The following WDFY1 variants were observed in gnomAD, a reference collection of about 807,000 sequenced individuals.
WDFY1 encodes WD repeat and FYVE domain containing 1.
A neutral mutation model predicts 56.4 loss-of-function variants in WDFY1; 32 were observed. The ratio of observed to expected loss-of-function variants is 0.57; its 90% CI spans 0.43 to 0.76. The LOEUF (loss-of-function observed/expected upper bound fraction) is 0.76, where lower values mean the gene tolerates loss of function less well. Ranked by LOEUF, WDFY1 falls within the 30% of genes least tolerant of loss-of-function variation. The pLI is 0.00. For synonymous variants in WDFY1, 192 were observed against 197.3 expected, an observed-to-expected ratio of 0.97 and a Z score of 0.23; for missense variants, 480 against 545.7, an observed-to-expected ratio of 0.88 and a Z score of 1.20.
At chr2:223,883,494 T>C (rs1194472614) in intron 9 of WDFY1, among the ~76,000 whole-genome samples, 1 of 152,198 alleles carries the variant, frequency 6.6e-6, no homozygotes, top group Non-Finnish European at 1.5e-5. Context: ...CAGCCATGCA[T>C]TGTGAGAACT....
chr2:223,904,135 C>T (rs989225379), intron 4 of WDFY1, among the ~76,000 whole-genome samples: 2 of 152,184 alleles, frequency 1.3e-5, no homozygotes, highest in Admixed American at 6.5e-5. Flanking sequence ...AATGCTAGTA[C>T]ATTACTCAGT....
intron 1 of WDFY1, among the ~76,000 whole-genome samples, chr2:223,938,191 C>A (rs1176166857): frequency 2.0e-5 from 3 of 152,170 alleles, no homozygotes; most frequent in Admixed American, 1.3e-4. Flanking sequence ...CCTGCAGAAA[C>A]CAATCTTGGC....
At chr2:223,880,324 T>A in intron 10 of WDFY1, 92 bp from the exon 11 acceptor site, 1 of 1,142,106 alleles carries the variant, frequency 8.8e-7, no homozygotes, top group Non-Finnish European at 1.3e-6. Context: ...TAAGCAAATA[T>A]GGCCAGGTGC....
chr2:223,896,622 C>T (rs1013696042), intron 6 of WDFY1, among the ~76,000 whole-genome samples: 1 of 152,116 alleles, frequency 6.6e-6, no homozygotes. Context: ...CTAGAAGAAA[C>T]ATTAATCAAC....
chr2:223,942,459 C>A (rs995114474), intron 1 of WDFY1, among the ~76,000 whole-genome samples: 123 of 151,272 alleles, frequency 8.1e-4, no homozygotes, highest in African/African-American at 2.8e-3. Flanking sequence ...ACCTTGTTAT[C>A]CACCCGCCTC....
At chr2:223,938,017 T>C (rs1420135371) in intron 1 of WDFY1, among the ~76,000 whole-genome samples, 2 of 152,170 alleles carry the variant, frequency 1.3e-5, no homozygotes, top group Admixed American at 6.5e-5. Context: ...TGGAAGCAAA[T>C]ATATTACATA....
rs604990 is a variant in WDFY1, at chr2:223,901,177, G to A, written c.485+6C>T. 0.95 allele frequency: 1,533,093 copies of A among 1,612,118 alleles called. 730,063 individuals carry two copies. Among genetic ancestry groups the A allele is most frequent in the South Asian group, 0.97 (88,378 of 90,848 alleles). On this transcript the variant is annotated splice_donor_region_variant and intron_variant, in intron 5 of 11. Transcript: ENST00000233055. ...GGAAGGAGAGGTCCGTGGCTCTGAAGGATACTGCAGACACGAAGCCCAGGA... is the reference window on the plus strand; with the variant it reads ...GGAAGGAGAGGTCCGTGGCTCTGAAAGATACTGCAGACACGAAGCCCAGGA...
At chr2:223,913,603 A>G (rs1218220020) in intron 2 of WDFY1, among the ~76,000 whole-genome samples, 1 of 152,198 alleles carries the variant, frequency 6.6e-6, no homozygotes, top group Non-Finnish European at 1.5e-5. Context: ...CCATGCATAC[A>G]CTTATCTTTG....
rs1409263864 is a variant in WDFY1 at position 223,877,223 on chromosome 2, A to T, written c.*1448T>A. Reference sequence around the variant, plus strand: ...CAGTCCCTCTAAGACATCATTATAAAACAAATTTAGTCCTTTAGTTTTATC... The same window carrying T: ...CAGTCCCTCTAAGACATCATTATAATACAAATTTAGTCCTTTAGTTTTATC... On this transcript the variant is annotated 3_prime_UTR_variant, in exon 12 of 12. Transcript: ENST00000233055. The T allele has an allele frequency of 6.6e-6, 1 of 152,148 alleles. No homozygotes were observed. Among genetic ancestry groups the T allele is most frequent in the Non-Finnish European group, 1.5e-5 (1 of 68,028 alleles). 9.4% of individuals were successfully genotyped at this position (152,148 alleles called of 1,614,324 possible).
At position 223,878,374 on chromosome 2, in the gene WDFY1, G is replaced by A. The variant is rs927392053; in HGVS notation, c.*297C>T. ...CTTTTTTGTTTGATTTTTTGTCCCC[G>A]CTAAAACTCATTTGCTAGCTCATTC... On this transcript the variant is annotated 3_prime_UTR_variant, in exon 12 of 12. Coordinates refer to ENST00000233055, the MANE Select transcript of WDFY1 (RefSeq NM_020830.5). The A allele has an allele frequency of 1.6e-4, 42 of 254,934 alleles. No individual in the cohort carries two copies. The highest frequency in any genetic ancestry group is 2.7e-4 in the African/African-American group (12 of 44,624). The allele number at this position is 254,934 out of a possible 1,614,324, so 15.8% of individuals were successfully genotyped here.
chr2:223,905,922 G>T (rs78370887), intron 4 of WDFY1, 25 bp downstream of exon 4: 2 of 1,490,644 alleles, frequency 1.3e-6, no homozygotes, highest in East Asian at 2.3e-5. Flanking sequence ...GTATGTGTAC[G>T]CAAGATAATG....
At chr2:223,891,792 T>C (rs370943460) in intron 8 of WDFY1, among the ~76,000 whole-genome samples, 1 of 152,182 alleles carries the variant, frequency 6.6e-6, no homozygotes, top group Non-Finnish European at 1.5e-5. Context: ...CCCCTCATCA[T>C]CCAGGGAATA....
intron 2 of WDFY1, among the ~76,000 whole-genome samples, chr2:223,915,903 T>C (rs1693778751): frequency 6.6e-6 from 1 of 152,226 alleles, no homozygotes; most frequent in South Asian, 2.1e-4. Context: ...GCACCTTCAC[T>C]AAGACATTGG....
At chr2:223,881,263 C>T (rs77643965) in intron 10 of WDFY1, among the ~76,000 whole-genome samples, 2,092 of 152,292 alleles carry the variant, frequency 0.014, 45 homozygotes, top group African/African-American at 0.048. Flanking sequence ...AAGGTCTGGG[C>T]ACTGGATACT....
intron 1 of WDFY1, among the ~76,000 whole-genome samples, chr2:223,937,556 T>A (rs1321938840): frequency 6.6e-6 from 1 of 152,184 alleles, no homozygotes; most frequent in Non-Finnish European, 1.5e-5. Context: ...CGGACTCATG[T>A]CCATTTTGCA....
At chr2:223,889,192 C>T (rs143457777) in intron 8 of WDFY1, among the ~76,000 whole-genome samples, 2,257 of 152,216 alleles carry the variant, frequency 0.015, 49 homozygotes, top group African/African-American at 0.05. Context: ...GCATGAATCA[C>T]GGTGTCTGGC....
chr2:223,930,918 G>A (rs1694062514), intron 1 of WDFY1, among the ~76,000 whole-genome samples: 1 of 152,232 alleles, frequency 6.6e-6, no homozygotes, highest in African/African-American at 2.4e-5. Context: ...AAGCATGAGT[G>A]AGCCTGGCTG....
At chr2:223,920,716 A>G (rs1416823784) in intron 1 of WDFY1, among the ~76,000 whole-genome samples, 1 of 152,224 alleles carries the variant, frequency 6.6e-6, no homozygotes, top group Non-Finnish European at 1.5e-5. Context: ...ATGGAGCTCA[A>G]AGTAAAACCA....
Position 223,905,817 on chromosome 2 carries a change from C to T in WDFY1, c.334+130G>A, listed in dbSNP as rs140626182. 183 of 580,706 alleles carry T rather than the reference C, an allele frequency of 3.2e-4. No homozygotes were observed. The African/African-American group carries it at 3.2e-3, about 10-fold the overall frequency. 36.0% of individuals were successfully genotyped at this position (580,706 alleles called of 1,614,324 possible). On this transcript the variant is annotated intron_variant, in intron 4 of 11. Transcript: ENST00000233055. ...GCTGAAATATCACTAAAAGACAAGT[C>T]TCTTGCATAGTGGGGGTAACAAAAC... is the stretch of plus-strand genomic sequence containing the variant.
Sources: gnomAD v4.1 joint callset for allele counts (sites outside exome capture counted in the v4.1 genomes callset) on GRCh38, gnomAD v4.1.1 for gene constraint, MANE v1.5 for transcripts, NCBI Gene and HGNC (gene_info 2026-07-23, HGNC 2026-07-21) for gene names.